The following TUSC3 variants were observed in gnomAD, a reference collection of about 807,000 sequenced individuals.
TUSC3 encodes the protein dolichyl-diphosphooligosaccharide--protein glycosyltransferase subunit TUSC3.
Under a neutral mutation model 44.8 loss-of-function variants are expected in TUSC3, and 45 were observed. That is an observed-to-expected ratio of 1.00 (90% CI 0.79 to 1.29). TUSC3 has a LOEUF of 1.29. TUSC3 is among the 50% of genes most tolerant of loss of function. The probability of loss-of-function intolerance (pLI) is 0.00; values close to 1 mark genes in which losing one functional copy is unlikely to be tolerated. For missense variants in TUSC3, 519 were observed against 437.9 expected, an observed-to-expected ratio of 1.19 and a Z score of -1.65; for synonymous variants, 212 against 152.9, an observed-to-expected ratio of 1.39 and a Z score of -2.85.
intron 2 of TUSC3, among the ~76,000 whole-genome samples, chr8:15,504,320 C>G (rs1801015150): frequency 6.6e-6 from 1 of 151,844 alleles, no homozygotes; most frequent in South Asian, 2.1e-4. Context: ...ACATAGACTT[C>G]TAAAACCTCA....
chr8:15,515,827 C>T (rs577222494), intron 2 of TUSC3, among the ~76,000 whole-genome samples: 65 of 152,022 alleles, frequency 4.3e-4, no homozygotes, highest in African/African-American at 1.4e-3. Context: ...GCCACCACAC[C>T]CGGCTATTTT....
At chr8:15,420,431 G>A (rs562308743) in intron 1 of TUSC3, among the ~76,000 whole-genome samples, 73 of 152,090 alleles carry the variant, frequency 4.8e-4, no homozygotes, top group African/African-American at 1.7e-3. Flanking sequence ...CTGGGAAGTG[G>A]AGGTTACAGT....
intron 2 of TUSC3, among the ~76,000 whole-genome samples, chr8:15,488,511 CTG>C (rs903188599): frequency 6.6e-6 from 1 of 151,970 alleles, no homozygotes; most frequent in African/African-American, 2.4e-5. Flanking sequence ...CAAAAATAAA[CTG>C]TTTTTTTGTC....
At chr8:15,419,428 C>A (rs920860530) in intron 1 of TUSC3, among the ~76,000 whole-genome samples, 1 of 152,120 alleles carries the variant, frequency 6.6e-6, no homozygotes, top group Admixed American at 6.5e-5. Context: ...TTAGTCTTTG[C>A]TTCTTTGAGG....
At chr8:15,735,656 A>G (rs944351252) in intron 7 of TUSC3, among the ~76,000 whole-genome samples, 1 of 152,136 alleles carries the variant, frequency 6.6e-6, no homozygotes, top group African/African-American at 2.4e-5. Context: ...AATATCTGAA[A>G]AGATCATCAT....
chr8:15,784,229 C>G, the TUSC3 span, among the ~76,000 whole-genome samples: 1 of 152,104 alleles, frequency 6.6e-6, no homozygotes, highest in East Asian at 1.9e-4. Flanking sequence ...AAAGGGAACT[C>G]TTGTACAGTA....
intron 1 of TUSC3, among the ~76,000 whole-genome samples, chr8:15,444,682 A>G (rs1045308914): frequency 6.6e-6 from 1 of 152,180 alleles, no homozygotes; most frequent in African/African-American, 2.4e-5. Flanking sequence ...GGCTGACTAG[A>G]ATTTGGTCAA....
chr8:15,612,277 C>T lies in TUSC3; in HGVS notation c.139-10803C>T, dbSNP rs533727146. Among the ~76,000 whole-genome samples the T allele has an allele frequency of 1.2e-4, 19 of 152,242 alleles. 1 individual carries two copies. In the South Asian group the frequency reaches 3.7e-3, roughly 30 times the overall value. ...CTGGCAGAGGCATCTTGGTTAAAGACATGAGACCACATATCTTTTTGCCTT... is the reference window on the plus strand; with the variant it reads ...CTGGCAGAGGCATCTTGGTTAAAGATATGAGACCACATATCTTTTTGCCTT... On this transcript the variant is annotated intron_variant, in intron 1 of 10. Transcript: ENST00000503731.
chr8:15,614,797 C>A (rs990814286), intron 1 of TUSC3, among the ~76,000 whole-genome samples: 2 of 152,084 alleles, frequency 1.3e-5, no homozygotes, highest in South Asian at 4.2e-4. Flanking sequence ...GATTATTATT[C>A]TTTTTTGCTA....
At chr8:15,719,217 A>T (rs183703559) in intron 6 of TUSC3, among the ~76,000 whole-genome samples, 1 of 151,962 alleles carries the variant, frequency 6.6e-6, no homozygotes, top group Admixed American at 6.6e-5. Flanking sequence ...CAGCACATTG[A>T]CCCTCTTACA....
At chr8:15,743,106 A>C (rs1192003617) in intron 7 of TUSC3, among the ~76,000 whole-genome samples, 1 of 152,226 alleles carries the variant, frequency 6.6e-6, no homozygotes, top group Admixed American at 6.5e-5. Context: ...TAAAGATTTC[A>C]ACTAAACAAA....
At chr8:15,573,168 T>TTC (rs1554516638) in intron 1 of TUSC3, among the ~76,000 whole-genome samples, 1,339 of 85,410 alleles carry the variant, frequency 0.016, 14 homozygotes, top group East Asian at 0.021. Context: ...TTCTCTCTCT[T>TTC]TCTCTCTCTC....
chr8:15,598,666 A>C (rs562869883), intron 1 of TUSC3, among the ~76,000 whole-genome samples: 19 of 151,934 alleles, frequency 1.3e-4, no homozygotes, highest in Non-Finnish European at 2.1e-4. Flanking sequence ...TGCCTTTTTC[A>C]GAATGTCATA....
intron 1 of TUSC3, among the ~76,000 whole-genome samples, chr8:15,601,952 G>C (rs1409619319): frequency 6.6e-6 from 1 of 151,010 alleles, no homozygotes; most frequent in Non-Finnish European, 1.5e-5. Context: ...CTGACACGCA[G>C]AACTAGCATT....
At chr8:15,735,891 G>GTT (rs539526479) in intron 7 of TUSC3, among the ~76,000 whole-genome samples, 45,342 of 147,088 alleles carry the variant, frequency 0.31, 7,469 homozygotes, top group Admixed American at 0.4. Flanking sequence ...TTGTTTTTTT[G>GTT]GTTTTTTTTT....
intron 2 of TUSC3, among the ~76,000 whole-genome samples, chr8:15,640,101 T>C (rs77194368): frequency 0.014 from 2,093 of 152,300 alleles, 41 homozygotes; most frequent in African/African-American, 0.046. Flanking sequence ...TCACTGTCCC[T>C]GAACTGTTTA....
intron 8 of TUSC3, among the ~76,000 whole-genome samples, chr8:15,747,998 T>A (rs2129217369): frequency 6.6e-6 from 1 of 152,242 alleles, no homozygotes; most frequent in African/African-American, 2.4e-5. Context: ...CAATGCTTCA[T>A]AACGCAAGAG....
At chr8:15,488,005 G>A (rs1371621874) in intron 2 of TUSC3, among the ~76,000 whole-genome samples, 1 of 151,076 alleles carries the variant, frequency 6.6e-6, no homozygotes, top group Non-Finnish European at 1.5e-5. Flanking sequence ...ATCTAATATA[G>A]GCAGTGTGGT....
chr8:15,757,908 G>T (rs746488662), intron 10 of TUSC3, 53 bp downstream of exon 10: 15 of 1,452,490 alleles, frequency 1.0e-5, no homozygotes, highest in Non-Finnish European at 1.3e-5. Flanking sequence ...TTCAAATATA[G>T]AGAGTATAAC....
Sources: allele counts gnomAD v4.1 joint callset (sites outside exome capture counted in the v4.1 genomes callset), GRCh38; gene constraint gnomAD v4.1.1; transcripts MANE v1.5; gene names NCBI Gene and HGNC (gene_info 2026-07-23, HGNC 2026-07-21).